ROCK1: variants seen among roughly 807,000 people sequenced by gnomAD.
ROCK1 encodes the protein rho-associated protein kinase 1.
Under a neutral mutation model 196.8 loss-of-function variants are expected in ROCK1, and 36 were observed. The ratio of observed to expected loss-of-function variants is 0.18; its 90% CI spans 0.14 to 0.24. ROCK1 has a LOEUF of 0.24. Ranked by LOEUF, ROCK1 falls within the 10% of genes least tolerant of loss-of-function variation. The probability of loss-of-function intolerance (pLI) is 1.00; values close to 1 mark genes in which losing one functional copy is unlikely to be tolerated. For missense variants in ROCK1, 920 were observed against 1,562.0 expected (o/e 0.59, Z 6.93); for synonymous variants, 443 against 515.9 (o/e 0.86, Z 1.91).
intron 1 of ROCK1, among the ~76,000 whole-genome samples, chr18:21,081,155 AT>A (rs2036479612): frequency 6.6e-6 from 1 of 152,204 alleles, no homozygotes; most frequent in Non-Finnish European, 1.5e-5. Flanking sequence ...AAAGACCAAA[AT>A]GACACAAAGT....
intron 13 of ROCK1, among the ~76,000 whole-genome samples, chr18:21,013,225 C>T (rs1356871289): frequency 6.6e-6 from 1 of 152,200 alleles, no homozygotes; most frequent in East Asian, 1.9e-4. Flanking sequence ...TATTTAAAAT[C>T]TCTTTTAGAA....
In ROCK1 at chr18:20,951,323, A is replaced by G; in HGVS notation, c.*61T>C. The G allele has an allele frequency of 2.6e-6, 4 of 1,534,818 alleles. No individual in the cohort carries two copies. Among genetic ancestry groups the G allele is most frequent in the South Asian group, 1.2e-5 (1 of 83,826 alleles). On this transcript the variant is annotated 3_prime_UTR_variant, in exon 33 of 33. Coordinates refer to ENST00000399799, the MANE Select transcript of ROCK1 (RefSeq NM_005406.3). Reference sequence around the variant, plus strand: ...AACAGCCTGTCTGCTCTGCATGGTTAAAGAAGCCTGGTTTATCAGGTAGCA... The same window carrying G: ...AACAGCCTGTCTGCTCTGCATGGTTGAAGAAGCCTGGTTTATCAGGTAGCA...
chr18:20,983,219 A>G (rs1309570637), intron 20 of ROCK1, among the ~76,000 whole-genome samples: 4 of 150,920 alleles, frequency 2.7e-5, no homozygotes, highest in African/African-American at 9.8e-5. Flanking sequence ...GGCATGAAAA[A>G]TTTAATAATA....
In ROCK1 at chr18:21,023,666, G is replaced by C. The variant is rs756016358; in HGVS notation, c.1226C>G (p.Ala409Gly). The C allele has an allele frequency of 1.1e-5, 17 of 1,575,324 alleles. No individual in the cohort carries two copies. In the South Asian group the frequency reaches 1.5e-4, roughly 14 times the overall value. ...GCTAGTTCTGTTATCATTAGGATTTGCTGAAGATAAGTATCTGAGGGAAAG... is the reference window on the plus strand; with the variant it reads ...GCTAGTTCTGTTATCATTAGGATTTCCTGAAGATAAGTATCTGAGGGAAAG... ...YYSNRRYLSS[A>G]NPNDNRTSSN... Residue 409 changes from alanine (A) to glycine (G), a missense_variant, in exon 11 of 33, where the codon GCA (alanine) becomes GGA (glycine). This residue lies in a region of ROCK1 where 520 missense variants were observed against 657.1 expected (regional missense o/e 0.79). Coordinates refer to ENST00000399799, the MANE Select transcript of ROCK1 (RefSeq NM_005406.3).
At chr18:21,035,707 C>T (rs1449194316) in intron 9 of ROCK1, among the ~76,000 whole-genome samples, 5 of 151,992 alleles carry the variant, frequency 3.3e-5, no homozygotes, top group South Asian at 2.1e-4. Flanking sequence ...TGTCTATTAA[C>T]GGATAAATGG....
intron 1 of ROCK1, among the ~76,000 whole-genome samples, chr18:21,083,676 CTTA>C (rs1205583841): frequency 6.6e-6 from 1 of 151,800 alleles, no homozygotes; most frequent in African/African-American, 2.4e-5. Flanking sequence ...TTTTCTCTTC[CTTA>C]TGATTTTAGT....
At chr18:21,069,889 T>C (rs1422900101) in intron 2 of ROCK1, among the ~76,000 whole-genome samples, 1 of 151,930 alleles carries the variant, frequency 6.6e-6, no homozygotes, top group African/African-American at 2.4e-5. Flanking sequence ...TAAAAGATCA[T>C]AAAATTAAAA....
rs2035545156 is a variant in ROCK1, at chr18:20,982,819, T to C, written c.2503A>G (p.Asn835Asp). The change falls in exon 21 of 33, where the codon AAT becomes GAT. Residue 835 changes from asparagine to aspartate, a missense_variant. Physicochemically the swap from Asn to Asp is conservative, Grantham distance 23. Coordinates refer to ENST00000399799, the MANE Select transcript of ROCK1 (RefSeq NM_005406.3). Reference sequence around the variant, plus strand: ...TGTAGCTCCCGCATCTGTCCTTCATTTCCTCTATACTGTCTTCAGATGAAA... The same window carrying C: ...TGTAGCTCCCGCATCTGTCCTTCATCTCCTCTATACTGTCTTCAGATGAAA... Reference protein sequence around the residue: ...LAQLTKQYRGNEGQMRELQDQ... With the variant: ...LAQLTKQYRGDEGQMRELQDQ... The C allele has an allele frequency of 6.4e-7, 1 of 1,550,676 alleles. No individual in the cohort carries two copies. Among genetic ancestry groups the C allele is most frequent in the Non-Finnish European group, 8.9e-7 (1 of 1,123,202 alleles).
At chr18:21,013,150 A>G (rs2035833060) in intron 13 of ROCK1, among the ~76,000 whole-genome samples, 4 of 152,312 alleles carry the variant, frequency 2.6e-5, no homozygotes, top group South Asian at 4.1e-4. Context: ...AAATTTTCCT[A>G]GTTCTGATTA....
At chr18:20,982,144 T>C (rs989209291) in intron 21 of ROCK1, among the ~76,000 whole-genome samples, 1 of 152,228 alleles carries the variant, frequency 6.6e-6, no homozygotes, top group Non-Finnish European at 1.5e-5. Flanking sequence ...TGGAAGCATA[T>C]GGCAAGAAAG....
chr18:21,014,084 A>AAAGAATGAG (rs1213450838), intron 13 of ROCK1, among the ~76,000 whole-genome samples: 2 of 151,666 alleles, frequency 1.3e-5, no homozygotes, highest in African/African-American at 4.8e-5. Flanking sequence ...AAAAAAAAAA[A>AAAGAATGAG]AAGAATGAGG....
intron 26 of ROCK1, among the ~76,000 whole-genome samples, chr18:20,967,353 G>T (rs1205229733): frequency 1.3e-5 from 2 of 152,034 alleles, no homozygotes; most frequent in Non-Finnish European, 1.5e-5. Context: ...AAAAGAAAAT[G>T]CTTTTCTGGC....
At chr18:21,038,206 T>C (rs2036073814) in intron 9 of ROCK1, among the ~76,000 whole-genome samples, 1 of 152,126 alleles carries the variant, frequency 6.6e-6, no homozygotes, top group Non-Finnish European at 1.5e-5. Flanking sequence ...CTCTTTGTCA[T>C]GCAACAATTT....
rs1443762593 is a variant in ROCK1 at position 21,111,557 on chromosome 18, C to G, written c.-647G>C. 6.0e-6 allele frequency: 1 copy of G among 166,844 alleles called. No individual in the cohort carries two copies. The highest frequency in any genetic ancestry group is 1.3e-5 in the Non-Finnish European group (1 of 78,380). The allele number at this position is 166,844 out of a possible 1,614,324, so 10.3% of individuals were successfully genotyped here. On this transcript the variant is annotated 5_prime_UTR_variant, in exon 1 of 33. Transcript: ENST00000399799. The surrounding 1 kb of genome is among the most constrained non-coding windows in gnomAD (Gnocchi z 4.2). ...CCCGTCGCTGCTGGGGCTGCTGCTA[C>G]GGTGTCCGGTGGGGCAGGGCGAGGT...
chr18:21,026,488 C>G (rs2035957962), intron 10 of ROCK1, among the ~76,000 whole-genome samples: 3 of 135,160 alleles, frequency 2.2e-5, no homozygotes, highest in Non-Finnish European at 4.8e-5. Flanking sequence ...TCAGCAAAAA[C>G]CACCCTGAAG....
At chr18:21,014,272 T>C (rs1424033794) in intron 13 of ROCK1, among the ~76,000 whole-genome samples, 1 of 152,146 alleles carries the variant, frequency 6.6e-6, no homozygotes, top group Non-Finnish European at 1.5e-5. Context: ...CTAGGATACA[T>C]GCAGCAAAAA....
At chr18:21,055,714 C>CA (rs199597859) in intron 2 of ROCK1, among the ~76,000 whole-genome samples, 1,720 of 151,030 alleles carry the variant, frequency 0.011, 94 homozygotes, top group Admixed American at 0.098. Flanking sequence ...CTTAGGGAAA[C>CA]AAAAAAAAAC....
At chr18:21,008,327 A>G in intron 13 of ROCK1, 133 bp from the exon 14 acceptor site, 1 of 615,882 alleles carries the variant, frequency 1.6e-6, no homozygotes, top group Non-Finnish European at 2.6e-6. Flanking sequence ...TTCTGTTTCA[A>G]ACGCAAATAG....
At chr18:21,106,237 A>G (rs897957088) in intron 1 of ROCK1, among the ~76,000 whole-genome samples, 2 of 152,260 alleles carry the variant, frequency 1.3e-5, no homozygotes, top group African/African-American at 4.8e-5. Flanking sequence ...TGCTACAAGC[A>G]AGATATTTTC....
Sources: allele counts gnomAD v4.1 joint callset (sites outside exome capture counted in the v4.1 genomes callset), GRCh38; gene constraint gnomAD v4.1.1; regional missense constraint gnomAD v4.1.1; non-coding constraint Gnocchi (gnomAD v3.1); transcripts MANE v1.5; gene names NCBI Gene and HGNC (gene_info 2026-07-23, HGNC 2026-07-21).